Variants in CSMD1 observed in about 807,000 individuals in gnomAD.
CSMD1 encodes CUB and sushi domain-containing protein 1.
A neutral mutation model predicts 417.5 loss-of-function variants in CSMD1; 213 were observed. The observed-to-expected ratio is 0.51, with a 90% CI of 0.46 to 0.57. CSMD1 has a LOEUF of 0.57. Among genes scored for constraint, CSMD1 ranks in the 20% least tolerant of loss-of-function variants. The probability of loss-of-function intolerance (pLI) is 0.00; values close to 1 mark genes in which losing one functional copy is unlikely to be tolerated. For synonymous variants in CSMD1, 2,862 were observed against 1,736.8 expected (o/e 1.65, Z -16.11); for missense variants, 6,923 against 4,529.7 (o/e 1.53, Z -15.17).
chr8:4,474,939 G>A (rs1370698011), intron 2 of CSMD1, among the ~76,000 whole-genome samples: 2 of 152,076 alleles, frequency 1.3e-5, no homozygotes, highest in African/African-American at 4.8e-5. Context: ...TTAATTGACG[G>A]TTTGTGTTAT....
At chr8:4,587,304 A>G (rs2130719067) in intron 2 of CSMD1, among the ~76,000 whole-genome samples, 1 of 152,238 alleles carries the variant, frequency 6.6e-6, no homozygotes, top group East Asian at 1.9e-4. Context: ...TCTTTTACTC[A>G]CTTTCTCTGC....
At chr8:3,404,155 G>A (rs193301455) in intron 15 of CSMD1, among the ~76,000 whole-genome samples, 14 of 152,094 alleles carry the variant, frequency 9.2e-5, no homozygotes, top group African/African-American at 3.1e-4. Context: ...CCAACATGTT[G>A]AAACGTCCCC....
intron 3 of CSMD1, among the ~76,000 whole-genome samples, chr8:4,284,653 C>T (rs2128862552): frequency 6.6e-6 from 1 of 152,210 alleles, no homozygotes; most frequent in East Asian, 1.9e-4. Context: ...GGACTCAGGA[C>T]TCCTGGAGGA....
At chr8:3,912,320 G>A (rs549664149) in intron 5 of CSMD1, among the ~76,000 whole-genome samples, 10 of 152,186 alleles carry the variant, frequency 6.6e-5, no homozygotes, top group African/African-American at 9.6e-5. Flanking sequence ...TATTTGATAC[G>A]TACTAATCAA....
At chr8:4,650,347 GAAAAAA>G (rs61642390) in intron 1 of CSMD1, among the ~76,000 whole-genome samples, 102 of 78,266 alleles carry the variant, frequency 1.3e-3, no homozygotes, top group Middle Eastern at 8.3e-3. Context: ...TCCGTCTCAA[GAAAAAA>G]AAAAAAAAAA....
chr8:3,894,429 G>C (rs921859735), intron 5 of CSMD1, among the ~76,000 whole-genome samples: 4 of 151,936 alleles, frequency 2.6e-5, no homozygotes, highest in Admixed American at 2.0e-4. Flanking sequence ...ATAATTTTAC[G>C]TTTTTTCAAG....
chr8:3,312,098 CCAAAAAAAACAAG>C (rs1230134620), intron 23 of CSMD1, among the ~76,000 whole-genome samples: 10 of 151,976 alleles, frequency 6.6e-5, no homozygotes, highest in Non-Finnish European at 1.3e-4. Flanking sequence ...CCACTCTTCT[CCAAAAAAAACAAG>C]CAAAGAAAAA....
At chr8:3,583,757 A>G (rs946192087) in intron 9 of CSMD1, among the ~76,000 whole-genome samples, 4 of 152,134 alleles carry the variant, frequency 2.6e-5, no homozygotes, top group African/African-American at 9.7e-5. Flanking sequence ...CAGGAAAGGC[A>G]GAGCGTGTGG....
intron 3 of CSMD1, among the ~76,000 whole-genome samples, chr8:4,301,588 T>A (rs2407889): frequency 0.99 from 151,565 of 152,334 alleles, 75,402 homozygotes; most frequent in Middle Eastern, 1. Flanking sequence ...ATTATTTTTT[T>A]GTCAAGATTG....
In CSMD1 at chr8:3,351,826, A is replaced by T. The variant is rs868579529; in HGVS notation, c.3305-3665T>A. On this transcript the variant is annotated intron_variant, in intron 21 of 69. Transcript: ENST00000635120. ...ACAATGTGTACTCACTATTTAATTT[A>T]TATTTTAGTACCTATATTTTTCAAA... is the stretch of plus-strand genomic sequence containing the variant. Among the ~76,000 whole-genome samples the T allele has an allele frequency of 2.0e-5, 3 of 150,864 alleles. No individual in the cohort carries two copies. The South Asian group carries it at 6.3e-4, about 31-fold the overall frequency.
In CSMD1 at chr8:3,406,220, T is replaced by G. The variant is rs199668404; in HGVS notation, c.2073A>C (p.Thr691=). 6.2e-5 allele frequency: 99 copies of G among 1,589,570 alleles called. No individual in the cohort carries two copies. The highest frequency in any genetic ancestry group is 6.0e-4 in the Admixed American group (33 of 54,844). The change falls in exon 15 of 70, where the codon ACA becomes ACC. Residue 691 remains threonine, a splice_region_variant and synonymous_variant. Coordinates refer to ENST00000635120, the MANE Select transcript of CSMD1 (RefSeq NM_033225.6). ...TGRGFNITYT[T]FGQNECHDPG... The stretch of plus-strand genomic sequence containing the variant: ...GATCATGGCACTCATTCTGACCAAA[T>G]GCTGAAAGAAAAAGAAGAAGAAAAA...
intron 3 of CSMD1, among the ~76,000 whole-genome samples, chr8:4,213,477 C>G (rs1252072731): frequency 6.6e-6 from 1 of 152,184 alleles, no homozygotes; most frequent in African/African-American, 2.4e-5. Flanking sequence ...TGGCCAGTTA[C>G]TAGAATGAAA....
intron 3 of CSMD1, among the ~76,000 whole-genome samples, chr8:4,159,063 G>C (rs1288360968): frequency 2.0e-5 from 3 of 151,992 alleles, no homozygotes; most frequent in Non-Finnish European, 4.4e-5. Context: ...TTACAGGCTT[G>C]CACCACCAGG....
chr8:3,148,368 T>A (rs1818976736), intron 40 of CSMD1, among the ~76,000 whole-genome samples: 1 of 152,176 alleles, frequency 6.6e-6, no homozygotes, highest in Non-Finnish European at 1.5e-5. Context: ...AAGAGCTTGC[T>A]GACAAGAATA....
At chr8:3,855,343 C>T (rs1308899182) in intron 5 of CSMD1, among the ~76,000 whole-genome samples, 2 of 152,128 alleles carry the variant, frequency 1.3e-5, no homozygotes, top group Admixed American at 6.6e-5. Flanking sequence ...GAAGGAAATA[C>T]ACTCACATCC....
intron 5 of CSMD1, among the ~76,000 whole-genome samples, chr8:3,981,663 T>C (rs1401232178): frequency 6.6e-6 from 1 of 152,182 alleles, no homozygotes; most frequent in Admixed American, 6.5e-5. Flanking sequence ...TTGTCATAGT[T>C]TCCTTCTTTG....
chr8:4,204,106 A>C (rs865914611), intron 3 of CSMD1, among the ~76,000 whole-genome samples: 3 of 152,128 alleles, frequency 2.0e-5, no homozygotes, highest in Non-Finnish European at 1.5e-5. Flanking sequence ...GTCTCAAAAC[A>C]CAAAACAAAA....
chr8:4,887,144 C>T (rs1803802586), intron 1 of CSMD1, among the ~76,000 whole-genome samples: 1 of 151,956 alleles, frequency 6.6e-6, no homozygotes, highest in Non-Finnish European at 1.5e-5. Flanking sequence ...CCAGTTTTAC[C>T]TGCATTCCAT....
At chr8:3,002,700 T>C (rs886781484) in intron 52 of CSMD1, among the ~76,000 whole-genome samples, 9 of 152,208 alleles carry the variant, frequency 5.9e-5, no homozygotes, top group Non-Finnish European at 1.3e-4. Flanking sequence ...GTGCACATAG[T>C]TTGAAGTTGC....
Sources: allele counts gnomAD v4.1 joint callset (sites outside exome capture counted in the v4.1 genomes callset), GRCh38; gene constraint gnomAD v4.1.1; transcripts MANE v1.5; gene names NCBI Gene and HGNC (gene_info 2026-07-23, HGNC 2026-07-21).